Variants in CDC16 observed in about 807,000 individuals in gnomAD.
CDC16 encodes cell division cycle 16, also known as cell division cycle protein 16 homolog.
A neutral mutation model predicts 87.0 loss-of-function variants in CDC16; 34 were observed. That is an observed-to-expected ratio of 0.39 (90% CI 0.30 to 0.52). CDC16 has a LOEUF of 0.52. CDC16 is among the 20% of genes least tolerant of loss of function. The pLI, the probability that CDC16 is intolerant of heterozygous loss-of-function variation, is 0.74. For missense variants in CDC16, 653 were observed against 751.9 expected (o/e 0.87, Z 1.54); for synonymous variants, 263 against 260.6 (o/e 1.01, Z -0.09).
intron 11 of CDC16, among the ~76,000 whole-genome samples, chr13:114,247,959 G>A (rs548357019): frequency 5.3e-5 from 8 of 151,810 alleles, no homozygotes; most frequent in South Asian, 2.1e-4. Context: ...TCTCTCTTTC[G>A]CTTACAGAGA....
intron 13 of CDC16, among the ~76,000 whole-genome samples, chr13:114,258,690 G>A (rs946631525): frequency 2.6e-5 from 4 of 152,112 alleles, no homozygotes; most frequent in Non-Finnish European, 5.9e-5. Flanking sequence ...ACAAGGTTAC[G>A]CATTGATCAA....
At chr13:114,238,841 A>G (rs909250128) in intron 3 of CDC16, 149 bp from the exon 4 acceptor site, 4 of 1,020,270 alleles carry the variant, frequency 3.9e-6, no homozygotes, top group Non-Finnish European at 4.2e-6. Flanking sequence ...CATAATAAAT[A>G]TGGTTTAACA....
chr13:114,239,502 T>C lies in CDC16; in HGVS notation c.381+12T>C, dbSNP rs530825456. On this transcript the variant is annotated intron_variant, in intron 5 of 17. Transcript: ENST00000356221. ...TGTCACAGTCTTCAGTAAGTAGTACTGTGAGCACAGCTCAGTAACGGCGGC... is the reference window on the plus strand; with the variant it reads ...TGTCACAGTCTTCAGTAAGTAGTACCGTGAGCACAGCTCAGTAACGGCGGC... 17 of 1,578,206 alleles carry C rather than the reference T, an allele frequency of 1.1e-5. No individual in the cohort carries two copies. Among genetic ancestry groups the C allele is most frequent in the African/African-American group, 1.3e-5 (1 of 74,194 alleles).
intron 17 of CDC16, among the ~76,000 whole-genome samples, chr13:114,270,197 C>T (rs2083521858): frequency 6.6e-6 from 1 of 152,118 alleles, no homozygotes; most frequent in African/African-American, 2.4e-5. Context: ...ATCTGCTTGG[C>T]TTCCGGGGAG....
chr13:114,244,703 T>C, intron 8 of CDC16, 187 bp from the exon 9 acceptor site: 1 of 401,376 alleles, frequency 2.5e-6, no homozygotes, highest in East Asian at 3.7e-5. Flanking sequence ...CCAGAATTTT[T>C]TCTTTCATTT....
intron 14 of CDC16, among the ~76,000 whole-genome samples, chr13:114,260,823 G>A (rs1320463931): frequency 6.6e-6 from 1 of 152,190 alleles, no homozygotes; most frequent in Non-Finnish European, 1.5e-5. Flanking sequence ...TCCTAGAACT[G>A]GTCTCAATAG....
chr13:114,260,976 G>C (rs2082821322), intron 14 of CDC16, among the ~76,000 whole-genome samples: 1 of 152,186 alleles, frequency 6.6e-6, no homozygotes, highest in African/African-American at 2.4e-5. Context: ...AGATCAACTG[G>C]CGAATGTAAG....
chr13:114,272,244 TA>T lies in CDC16; in HGVS notation c.1670del (p.Asn557ThrfsTer14). 1 of 1,610,978 alleles carries T rather than the reference TA, an allele frequency of 6.2e-7. No homozygotes were observed. Among genetic ancestry groups the T allele is most frequent in the Non-Finnish European group, 8.5e-7 (1 of 1,177,496 alleles). ...TTTGATGTGCATACAATGAAGACAC[TA>T]AAAAACATTATTTCACCTCCGTGGG... is the stretch of plus-strand genomic sequence containing the variant. ...YDFDVHTMKT[L>X]KNIISPPWDF... On this transcript the variant is annotated frameshift_variant, in exon 18 of 18. Transcript: ENST00000356221. LOFTEE classifies it high-confidence loss of function.
chr13:114,261,591 A>G (rs1485650856), intron 14 of CDC16, among the ~76,000 whole-genome samples: 3 of 152,002 alleles, frequency 2.0e-5, no homozygotes, highest in African/African-American at 7.2e-5. Flanking sequence ...TAGCAGGCAG[A>G]TGGATAGAGA....
intron 12 of CDC16, among the ~76,000 whole-genome samples, chr13:114,251,391 T>C (rs190271735): frequency 4.9e-4 from 74 of 152,320 alleles, no homozygotes; most frequent in Non-Finnish European, 8.4e-4. Context: ...TGAGAAGTAA[T>C]TGAGATAATA....
intron 11 of CDC16, among the ~76,000 whole-genome samples, chr13:114,248,204 A>C (rs1319888445): frequency 6.6e-6 from 1 of 152,226 alleles, no homozygotes; most frequent in East Asian, 1.9e-4. Flanking sequence ...TGAAGAATTA[A>C]TTACTTAAAC....
intron 15 of CDC16, among the ~76,000 whole-genome samples, chr13:114,262,467 T>G (rs1168867989): frequency 6.6e-6 from 1 of 152,242 alleles, no homozygotes; most frequent in African/African-American, 2.4e-5. Flanking sequence ...CCAGAGAACT[T>G]TAAGGAGCAC....
intron 11 of CDC16, among the ~76,000 whole-genome samples, chr13:114,248,891 G>A (rs1594595008): frequency 1.3e-5 from 2 of 152,028 alleles, no homozygotes; most frequent in African/African-American, 4.8e-5. Flanking sequence ...TTGATCTAGC[G>A]TGCAATTCAG....
At chr13:114,258,369 G>T (rs1312616267) in intron 13 of CDC16, among the ~76,000 whole-genome samples, 1 of 152,154 alleles carries the variant, frequency 6.6e-6, no homozygotes, top group Non-Finnish European at 1.5e-5. Flanking sequence ...GTCTAAGAAG[G>T]CAACGCTCTG....
chr13:114,245,917 G>A, intron 9 of CDC16, 83 bp from the exon 10 acceptor site: 1 of 738,214 alleles, frequency 1.4e-6, no homozygotes, highest in Non-Finnish European at 2.3e-6. Flanking sequence ...AGAATTATAT[G>A]ATTGTGAAGA....
At chr13:114,250,433 A>G (rs1261909793) in intron 11 of CDC16, 116 bp from the exon 12 acceptor site, 2 of 887,076 alleles carry the variant, frequency 2.3e-6, no homozygotes, top group East Asian at 2.8e-5. Flanking sequence ...CGGAGGCTGC[A>G]GAGAGCCGAG....
Position 114,272,270 on chromosome 13 carries a change from G to A in CDC16, c.1690G>A (p.Asp564Asn). The change falls in exon 18 of 18, where the codon GAT (aspartate) becomes AAT (asparagine). Residue 564 changes from aspartate to asparagine, a missense_variant. Coordinates refer to ENST00000356221, the MANE Select transcript of CDC16 (RefSeq NM_001078645.3). ...TLKNIISPPW[D>N]FREFEVEKQT... ...AAAAAACATTATTTCACCTCCGTGG[G>A]ATTTCAGGGAATTTGAAGTAGAAAA... 3 of 1,613,934 alleles carry A rather than the reference G, an allele frequency of 1.9e-6. No homozygotes were observed. Among genetic ancestry groups the A allele is most frequent in the African/African-American group, 1.3e-5 (1 of 75,060 alleles).
intron 17 of CDC16, among the ~76,000 whole-genome samples, chr13:114,271,483 CT>C (rs17291626): frequency 6.6e-6 from 1 of 150,526 alleles, no homozygotes; most frequent in African/African-American, 2.4e-5. Context: ...CAGCACAGTT[CT>C]TTTTTTTTGA....
chr13:114,262,776 C>A, intron 15 of CDC16, 103 bp from the exon 16 acceptor site: 1 of 1,125,750 alleles, frequency 8.9e-7, no homozygotes, highest in Non-Finnish European at 1.3e-6. Flanking sequence ...CTGCTGTTCT[C>A]ATTGAGACAG....
Sources: gnomAD v4.1 joint callset for allele counts (sites outside exome capture counted in the v4.1 genomes callset) on GRCh38, gnomAD v4.1.1 for gene constraint, MANE v1.5 for transcripts, NCBI Gene and HGNC (gene_info 2026-07-23, HGNC 2026-07-21) for gene names.